The following AGAP1 variants were observed in gnomAD, a reference collection of about 807,000 sequenced individuals.
AGAP1 encodes arf-GAP with GTPase, ANK repeat and PH domain-containing protein 1.
In AGAP1, 29 loss-of-function variants were observed where a neutral mutation model predicts 105.3. The ratio of observed to expected loss-of-function variants is 0.28; its 90% confidence interval spans 0.21 to 0.38. The LOEUF (loss-of-function observed/expected upper bound fraction) is 0.38. Among genes scored for constraint, AGAP1 ranks in the 10% least tolerant of loss-of-function variants. The pLI is 1.00. For synonymous variants in AGAP1, 509 were observed against 485.9 expected, an observed-to-expected ratio of 1.05 and a Z score of -0.63; for missense variants, 998 against 1,165.1, an observed-to-expected ratio of 0.86 and a Z score of 2.09.
At chr2:235,652,760 C>T (rs1308381277) in intron 1 of AGAP1, among the ~76,000 whole-genome samples, 4 of 151,964 alleles carry the variant, frequency 2.6e-5, no homozygotes, top group East Asian at 1.9e-4. Context: ...GTTGTGGTGG[C>T]GGGTGCCTGT....
chr2:236,025,995 G>C (rs1451558911), intron 13 of AGAP1, among the ~76,000 whole-genome samples: 1 of 152,184 alleles, frequency 6.6e-6, no homozygotes, highest in Non-Finnish European at 1.5e-5. Context: ...GGACCTCAGA[G>C]GCACCAGGCT....
chr2:235,516,577 G>A (rs1364000422), intron 1 of AGAP1, among the ~76,000 whole-genome samples: 1 of 152,168 alleles, frequency 6.6e-6, no homozygotes, highest in Non-Finnish European at 1.5e-5. Context: ...TGCAGCCTGA[G>A]CGTAGTTCAT....
chr2:235,686,865 T>G (rs1193170156), intron 1 of AGAP1, among the ~76,000 whole-genome samples: 1 of 150,658 alleles, frequency 6.6e-6, no homozygotes, highest in East Asian at 2.0e-4. Flanking sequence ...GGTCTTACTG[T>G]GCTGCCCAGG....
chr2:235,575,786 GTC>G lies in AGAP1; in HGVS notation c.163+80939_163+80940del, dbSNP rs1325470021. Among the ~76,000 whole-genome samples, 5 of 152,306 alleles carry G rather than the reference GTC, an allele frequency of 3.3e-5. No individual in the cohort carries two copies. In the East Asian group the frequency reaches 9.7e-4, roughly 29 times the overall value. ...TTTCTTTTCAAGTAAATGGAGATGT[GTC>G]TTTCTTCTGTTTCTGGTGTCCTTTT... On this transcript the variant is annotated intron_variant, in intron 1 of 17. Transcript: ENST00000304032.
chr2:235,826,594 C>CAT (rs1959082691), intron 9 of AGAP1, among the ~76,000 whole-genome samples: 1 of 151,998 alleles, frequency 6.6e-6, no homozygotes, highest in African/African-American at 2.4e-5. Context: ...GGATTACAGG[C>CAT]GCCCGCCACC....
chr2:235,671,601 C>T (rs577597289), intron 1 of AGAP1, among the ~76,000 whole-genome samples: 2 of 152,346 alleles, frequency 1.3e-5, no homozygotes, highest in African/African-American at 4.8e-5. Flanking sequence ...AAGGACACCT[C>T]ACTACAGTGG....
Position 235,842,794 on chromosome 2 carries a change from C to G in AGAP1, c.1050+35463C>G, listed in dbSNP as rs1961015713. On this transcript the variant is annotated intron_variant, in intron 9 of 17. Coordinates refer to ENST00000304032, the MANE Select transcript of AGAP1 (RefSeq NM_001037131.3). The surrounding 1 kb of genome is among the most constrained non-coding windows in gnomAD (Gnocchi z 5.3). ...CCAGGCCCGAGTGCAGTGGCACGGT[C>G]TTGGTTCACTGCAACCTCTGCCTCC... Among the ~76,000 whole-genome samples the G allele has an allele frequency of 6.6e-6, 1 of 152,152 alleles. No individual in the cohort carries two copies. Among genetic ancestry groups the G allele is most frequent in the South Asian group, 2.1e-4 (1 of 4,834 alleles).
chr2:235,644,479 T>C (rs931138919), intron 1 of AGAP1, among the ~76,000 whole-genome samples: 1 of 152,130 alleles, frequency 6.6e-6, no homozygotes, highest in Admixed American at 6.5e-5. Context: ...CCCGTTTATC[T>C]GAGAGTAGCT....
intron 9 of AGAP1, among the ~76,000 whole-genome samples, chr2:235,850,543 G>C (rs1199776858): frequency 6.6e-6 from 1 of 152,222 alleles, no homozygotes; most frequent in East Asian, 1.9e-4. Flanking sequence ...GAGCAGCTCT[G>C]ATTTCAGAGG....
chr2:235,968,048 A>C (rs999640265), intron 12 of AGAP1, among the ~76,000 whole-genome samples: 5 of 152,202 alleles, frequency 3.3e-5, no homozygotes, highest in Non-Finnish European at 4.4e-5. Flanking sequence ...CAGGAGTCAA[A>C]CCCACTTAAG....
chr2:235,826,739 G>T (rs1175706511), intron 9 of AGAP1, among the ~76,000 whole-genome samples: 1 of 152,174 alleles, frequency 6.6e-6, no homozygotes, highest in East Asian at 1.9e-4. Context: ...CACACGGCTT[G>T]CTTCCCCATA....
At position 235,553,932 on chromosome 2, in the gene AGAP1, C is replaced by A. The variant is rs1296313894; in HGVS notation, c.163+59083C>A. 6.6e-6 allele frequency among the ~76,000 whole-genome samples: 1 copy of A among 152,250 alleles called. No homozygotes were observed. The highest frequency in any genetic ancestry group is 2.4e-5 in the African/African-American group (1 of 41,472). On this transcript the variant is annotated intron_variant, in intron 1 of 17. Coordinates refer to ENST00000304032, the MANE Select transcript of AGAP1 (RefSeq NM_001037131.3). This position sits in a 1 kb window ranked among gnomAD's most constrained non-coding sequence, Gnocchi z 4.5. The stretch of plus-strand genomic sequence containing the variant: ...ACCCCACCCCGTGGTGCGGCGTGTG[C>A]CAAGACCAGCCCTCTGAGGTCAGCC...
rs573207271 is a variant in AGAP1, at chr2:235,734,497, A to T, written c.311-6466A>T. Among the ~76,000 whole-genome samples the T allele has an allele frequency of 6.6e-6, 1 of 152,254 alleles. No homozygotes were observed. The highest frequency in any genetic ancestry group is 1.9e-4 in the East Asian group (1 of 5,182). ...CTCTACACATGGAGCTTTGAAGTCAAGAGTCATTTTCATCCTTAGCTCAGG... is the reference window on the plus strand; with the variant it reads ...CTCTACACATGGAGCTTTGAAGTCATGAGTCATTTTCATCCTTAGCTCAGG... On this transcript the variant is annotated intron_variant, in intron 3 of 17. Transcript: ENST00000304032. This position sits in a 1 kb window ranked among gnomAD's most constrained non-coding sequence, Gnocchi z 5.3.
chr2:235,534,855 A>G (rs1449940019), intron 1 of AGAP1, among the ~76,000 whole-genome samples: 3 of 152,154 alleles, frequency 2.0e-5, no homozygotes, highest in African/African-American at 7.2e-5. Context: ...TTTAGCTGTC[A>G]GGGTATCTCG....
rs893587427 is a variant in AGAP1 at position 235,906,049 on chromosome 2, C to A, written c.1156-2689C>A. Among the ~76,000 whole-genome samples the A allele has an allele frequency of 1.3e-5, 2 of 152,188 alleles. No individual in the cohort carries two copies. The highest frequency in any genetic ancestry group is 2.9e-5 in the Non-Finnish European group (2 of 68,030). ...GTTCCCAGCCCAGATACCACCCTCC[C>A]GTTACCCGAACCCACCATGACAGCT... On this transcript the variant is annotated intron_variant, in intron 10 of 17. Transcript: ENST00000304032. This position sits in a 1 kb window ranked among gnomAD's most constrained non-coding sequence, Gnocchi z 5.3.
At position 235,772,391 on chromosome 2, in the gene AGAP1, C is replaced by T. The variant is rs1955531699; in HGVS notation, c.673+21903C>T. Among the ~76,000 whole-genome samples the T allele has an allele frequency of 2.6e-5, 4 of 152,276 alleles. No individual in the cohort carries two copies. The South Asian group carries it at 6.2e-4, about 24-fold the overall frequency. On this transcript the variant is annotated intron_variant, in intron 6 of 17. Coordinates refer to ENST00000304032, the MANE Select transcript of AGAP1 (RefSeq NM_001037131.3). Reference sequence around the variant, plus strand: ...CTCTGATTTCTCTTGACGAACTTCCCTAAAGACAGCTGTTGACAAATAGCT... The same window carrying T: ...CTCTGATTTCTCTTGACGAACTTCCTTAAAGACAGCTGTTGACAAATAGCT...
At chr2:235,950,990 C>T (rs954417084) in intron 12 of AGAP1, among the ~76,000 whole-genome samples, 6 of 144,598 alleles carry the variant, frequency 4.1e-5, no homozygotes, top group Non-Finnish European at 7.5e-5. Context: ...CAAACAAAGT[C>T]AGTTCTTTTT....
At chr2:235,503,569 CTT>C (rs762869962) in intron 1 of AGAP1, among the ~76,000 whole-genome samples, 1 of 151,980 alleles carries the variant, frequency 6.6e-6, no homozygotes, top group African/African-American at 2.4e-5. Flanking sequence ...ACTTCAAACT[CTT>C]TTATTTCTTG....
rs2050320156 is a variant in AGAP1 at position 235,887,348 on chromosome 2, C to T, written c.1155+3899C>T. Among the ~76,000 whole-genome samples the T allele has an allele frequency of 6.6e-6, 1 of 152,302 alleles. No homozygotes were observed. The highest frequency in any genetic ancestry group is 6.5e-5 in the Admixed American group (1 of 15,296). On this transcript the variant is annotated intron_variant, in intron 10 of 17. Transcript: ENST00000304032. The surrounding 1 kb of genome is among the most constrained non-coding windows in gnomAD (Gnocchi z 4.1). The stretch of plus-strand genomic sequence containing the variant: ...TTACTGACCACAGCGTGAAGTGGGG[C>T]CTCTCCCTGGTAACACCCTATTGTC...
Sources: allele counts gnomAD v4.1 joint callset (sites outside exome capture counted in the v4.1 genomes callset), GRCh38; gene constraint gnomAD v4.1.1; non-coding constraint Gnocchi (gnomAD v3.1); transcripts MANE v1.5; gene names NCBI Gene and HGNC (gene_info 2026-07-23, HGNC 2026-07-21).